The following JADE2 variants were observed in gnomAD, a reference collection of about 807,000 sequenced individuals.
JADE2 encodes E3 ubiquitin-protein ligase Jade-2.
In JADE2, 13 loss-of-function variants were observed where a neutral mutation model predicts 85.7. The ratio of observed to expected loss-of-function variants is 0.15; its 90% confidence interval spans 0.10 to 0.24. The LOEUF (loss-of-function observed/expected upper bound fraction) is 0.24, where lower values mean the gene tolerates loss of function less well. Ranked by LOEUF, JADE2 falls within the 10% of genes least tolerant of loss-of-function variation. JADE2 has a pLI of 1.00. For missense variants in JADE2, 846 were observed against 1,115.9 expected (o/e 0.76, Z 3.45); for synonymous variants, 440 against 456.1 (o/e 0.96, Z 0.45).
chr5:134,569,689 AC>A (rs1178063854), intron 9 of JADE2, among the ~76,000 whole-genome samples: 1 of 152,078 alleles, frequency 6.6e-6, no homozygotes, highest in Non-Finnish European at 1.5e-5. Context: ...TCTGAGACAC[AC>A]ACCTGCCCAG....
chr5:134,536,498 G>A (rs963112688), intron 2 of JADE2, among the ~76,000 whole-genome samples: 4 of 152,228 alleles, frequency 2.6e-5, no homozygotes, highest in African/African-American at 4.8e-5. Flanking sequence ...TCAATTGGAC[G>A]TGATGGTTGC....
intron 1 of JADE2, among the ~76,000 whole-genome samples, chr5:134,533,001 C>A (rs550222669): frequency 1.2e-4 from 19 of 152,312 alleles, no homozygotes. Context: ...ACAGCCCTGA[C>A]CCAGAATAAT....
chr5:134,542,435 CTTTTTT>C (rs10568722), intron 3 of JADE2, among the ~76,000 whole-genome samples: 62 of 93,472 alleles, frequency 6.6e-4, no homozygotes, highest in Non-Finnish European at 1.0e-4. Context: ...GTACCTATAC[CTTTTTT>C]TTTTTTTTTT....
At chr5:134,529,441 G>GTTTGAATCCTGGCTGTGCA (rs1761086991) in intron 1 of JADE2, among the ~76,000 whole-genome samples, 1 of 152,212 alleles carries the variant, frequency 6.6e-6, no homozygotes, top group South Asian at 2.1e-4. Context: ...AGACAGCCTA[G>GTTTGAATCCTGGCTGTGCA]GTTTGAATCC....
chr5:134,577,271 C>T (rs1451120176), intron 11 of JADE2, among the ~76,000 whole-genome samples: 2 of 152,184 alleles, frequency 1.3e-5, no homozygotes, highest in African/African-American at 4.8e-5. Context: ...TCCTACTCTC[C>T]CAGAATCCTC....
intron 3 of JADE2, among the ~76,000 whole-genome samples, chr5:134,543,997 G>C (rs906171010): frequency 2.0e-5 from 3 of 152,240 alleles, no homozygotes; most frequent in African/African-American, 7.2e-5. Context: ...TTCTGGGAGA[G>C]ACCTGGAGGC....
In JADE2 at chr5:134,582,060, C is replaced by G. The variant is rs1764739031; in HGVS notation, c.*2743C>G. The stretch of plus-strand genomic sequence containing the variant: ...TCTCAACCACATCTGCCTCCACACA[C>G]AGCTCCTCCGCAGGGAAGGAGAAGC... On this transcript the variant is annotated 3_prime_UTR_variant, in exon 12 of 12. Coordinates refer to ENST00000681547, the MANE Select transcript of JADE2 (RefSeq NM_001388185.1). 6.6e-6 allele frequency: 1 copy of G among 152,238 alleles called. No individual in the cohort carries two copies. The highest frequency in any genetic ancestry group is 2.4e-5 in the African/African-American group (1 of 41,446). The allele number at this position is 152,238 out of a possible 1,614,324, so 9.4% of individuals were successfully genotyped here.
upstream of JADE2, chr5:134,524,545 C>G (rs1760691765): frequency 6.6e-6 from 1 of 152,396 alleles, no homozygotes; most frequent in Non-Finnish European, 1.5e-5. Flanking sequence ...CGGTTTTTAA[C>G]CCTTTCGGGG....
At chr5:134,533,899 A>C (rs1018085328) in intron 1 of JADE2, among the ~76,000 whole-genome samples, 1 of 152,076 alleles carries the variant, frequency 6.6e-6, no homozygotes, top group Non-Finnish European at 1.5e-5. Context: ...GGCATGTGCC[A>C]CTACAACTGG....
intron 3 of JADE2, among the ~76,000 whole-genome samples, chr5:134,549,412 G>C (rs375890862): frequency 8.5e-5 from 13 of 152,266 alleles, no homozygotes; most frequent in African/African-American, 3.1e-4. Flanking sequence ...TGTGATCCCA[G>C]CACTTTGGGA....
At chr5:134,554,235 G>C (rs527534867) in intron 4 of JADE2, among the ~76,000 whole-genome samples, 1 of 152,286 alleles carries the variant, frequency 6.6e-6, no homozygotes, top group African/African-American at 2.4e-5. Context: ...AGGCAATCCT[G>C]TTCCAGTGAC....
intron 4 of JADE2, among the ~76,000 whole-genome samples, chr5:134,554,831 C>T (rs776299617): frequency 5.3e-5 from 8 of 152,274 alleles, no homozygotes; most frequent in South Asian, 2.1e-4. Context: ...GGTAGCTGCC[C>T]GGGTCAGAAT....
chr5:134,525,784 G>A lies in JADE2; in HGVS notation c.-228G>A, dbSNP rs990316644. On this transcript the variant is annotated 5_prime_UTR_variant, in exon 1 of 12. Transcript: ENST00000681547. ...GAGTTACTTTGCGCCCACTCCTAGC[G>A]GCACCGGCTTAGGTCCTGCGGGCCG... 6 of 1,139,832 alleles carry A rather than the reference G, an allele frequency of 5.3e-6. No homozygotes were observed. In the African/African-American group the frequency reaches 8.5e-5, roughly 16 times the overall value. The allele number at this position is 1,139,832 out of a possible 1,614,324, so 70.6% of individuals were successfully genotyped here. A position where few individuals can be genotyped will look rare whatever the true frequency, so the allele number is the denominator to read the frequency against.
chr5:134,571,465 A>G (rs1049528327), intron 9 of JADE2, among the ~76,000 whole-genome samples: 1 of 152,156 alleles, frequency 6.6e-6, no homozygotes, highest in Non-Finnish European at 1.5e-5. Context: ...TTGGGAGGCC[A>G]AGGTGGGCGG....
At chr5:134,573,817 C>T (rs1275979515) in intron 10 of JADE2, 55 bp downstream of exon 10, 3 of 1,129,934 alleles carry the variant, frequency 2.7e-6, no homozygotes, top group Admixed American at 1.7e-5. Flanking sequence ...TCTTGCGGGG[C>T]TGGGTCCCAA....
intron 6 of JADE2, 117 bp downstream of exon 6, chr5:134,561,074 A>T (rs945766639): frequency 1.6e-5 from 13 of 837,760 alleles, no homozygotes; most frequent in Non-Finnish European, 2.1e-5. Flanking sequence ...AAGGAGGAGG[A>T]AGGGAATGGT....
chr5:134,532,906 A>G (rs1761335431), intron 1 of JADE2, among the ~76,000 whole-genome samples: 1 of 152,216 alleles, frequency 6.6e-6, no homozygotes, highest in South Asian at 2.1e-4. Context: ...TGCACTCACA[A>G]AACAGTGGCT....
intron 10 of JADE2, chr5:134,575,444 G>A (rs1355151997): frequency 1.3e-5 from 2 of 152,260 alleles, no homozygotes; most frequent in African/African-American, 4.8e-5. Flanking sequence ...AGGCTGGAAT[G>A]GCTGCACCAG....
intron 1 of JADE2, among the ~76,000 whole-genome samples, chr5:134,534,471 G>C (rs1207085365): frequency 6.6e-6 from 1 of 152,128 alleles, no homozygotes; most frequent in Non-Finnish European, 1.5e-5. Context: ...GGTCCTGCTG[G>C]TGGTGGGCAC....
Sources: allele counts gnomAD v4.1 joint callset (sites outside exome capture counted in the v4.1 genomes callset), GRCh38; gene constraint gnomAD v4.1.1; transcripts MANE v1.5; gene names NCBI Gene and HGNC (gene_info 2026-07-23, HGNC 2026-07-21).